MON2: variants seen among roughly 807,000 people sequenced by gnomAD.
The protein encoded by MON2 is protein MON2 homolog.
In MON2, 84 loss-of-function variants were observed where a neutral mutation model predicts 208.6. The ratio of observed to expected loss-of-function variants is 0.40; its 90% CI spans 0.34 to 0.48. MON2 has a LOEUF of 0.48. MON2 is among the 20% of genes least tolerant of loss of function. MON2 has a pLI of 0.59. For missense variants in MON2, 1,611 were observed against 2,015.4 expected, an observed-to-expected ratio of 0.80 and a Z score of 3.84; for synonymous variants, 660 against 694.0, an observed-to-expected ratio of 0.95 and a Z score of 0.77.
chr12:62,470,704 C>G lies in MON2; in HGVS notation c.111+3386C>G, dbSNP rs1036147158. 6.1e-6 allele frequency: 7 copies of G among 1,152,896 alleles called. No homozygotes were observed. The African/African-American group carries it at 9.9e-5, about 16-fold the overall frequency. The allele number at this position is 1,152,896 out of a possible 1,614,324, so 71.4% of individuals were successfully genotyped here. A position where few individuals can be genotyped will look rare whatever the true frequency, so the allele number is the denominator to read the frequency against. On this transcript the variant is annotated intron_variant, in intron 1 of 34. Transcript: ENST00000393630. ...TCTTATTATTTCCTATTTGCAGGTACAGATGAGGGGTATCTAACTGAGCCT... is the reference window on the plus strand; with the variant it reads ...TCTTATTATTTCCTATTTGCAGGTAGAGATGAGGGGTATCTAACTGAGCCT...
At chr12:62,488,359 A>T (rs2069915371) in intron 2 of MON2, among the ~76,000 whole-genome samples, 1 of 152,158 alleles carries the variant, frequency 6.6e-6, no homozygotes, top group Non-Finnish European at 1.5e-5. Flanking sequence ...AAAATATAAA[A>T]GTATCAAGTA....
At chr12:62,519,627 A>C (rs901217507) in intron 8 of MON2, among the ~76,000 whole-genome samples, 1 of 152,238 alleles carries the variant, frequency 6.6e-6, no homozygotes, top group Non-Finnish European at 1.5e-5. Flanking sequence ...TGTCTGGCTT[A>C]ATAGGAGACA....
intron 1 of MON2, among the ~76,000 whole-genome samples, chr12:62,471,156 A>G (rs1396252000): frequency 6.6e-6 from 1 of 152,160 alleles, no homozygotes; most frequent in Non-Finnish European, 1.5e-5. Flanking sequence ...GAAATAAAAG[A>G]GGAGGAAATG....
rs2074959928 is a variant in MON2 at position 62,580,387 on chromosome 12, G to C, written c.4666G>C (p.Gly1556Arg). ...VGQIMTMLNK[G>R]SIHSQSSSFT... ...TCAAATAATGACAATGCTTAACAAGGGCTCAATACATTCTCAGTCATCTTC... is the reference window on the plus strand; with the variant it reads ...TCAAATAATGACAATGCTTAACAAGCGCTCAATACATTCTCAGTCATCTTC... Residue 1556 changes from glycine to arginine, a missense_variant, in exon 32 of 35, where the codon GGC (glycine) becomes CGC (arginine). By Grantham distance (125) the Gly-to-Arg change is moderately radical. Transcript: ENST00000393630. The C allele has an allele frequency of 1.2e-6, 2 of 1,606,620 alleles. No individual in the cohort carries two copies. The highest frequency in any genetic ancestry group is 8.5e-7 in the Non-Finnish European group (1 of 1,174,396).
rs1292917367 is a variant in MON2 at position 62,563,735 on chromosome 12, ACCATTGAAAATCAAAATGCATAGTTAAGT to A, written c.4033-1500_4033-1472del. Among the ~76,000 whole-genome samples the A allele has an allele frequency of 2.0e-5, 3 of 152,126 alleles. No individual in the cohort carries two copies. The East Asian group carries it at 5.8e-4, about 29-fold the overall frequency. On this transcript the variant is annotated intron_variant, in intron 26 of 34. Transcript: ENST00000393630. ...TTAGTATGTTTTCTTATCATAAAGG[ACCATTGAAAATCAAAATGCATAGTTAAGT>A]CATTAATTTGTGTTAAGATTCTTAC... is the stretch of plus-strand genomic sequence containing the variant.
rs1170216590 is a variant in MON2, at chr12:62,600,039, TTA to T, written c.*7291_*7292del. On this transcript the variant is annotated 3_prime_UTR_variant, in exon 35 of 35. Coordinates refer to ENST00000393630, the MANE Select transcript of MON2 (RefSeq NM_015026.3). ...AGCCCAGAGTCTGGGGCCAGGCTTC[TTA>T]GATGCAAATCCCAACTCTGTTATTT... The T allele has an allele frequency of 6.6e-6, 1 of 152,240 alleles. No individual in the cohort carries two copies. The highest frequency in any genetic ancestry group is 1.5e-5 in the Non-Finnish European group (1 of 68,044). The allele number at this position is 152,240 out of a possible 1,614,324, so 9.4% of individuals were successfully genotyped here. A position where few individuals can be genotyped will look rare whatever the true frequency, so the allele number is the denominator to read the frequency against.
At chr12:62,561,406 A>G (rs1346072318) in intron 26 of MON2, among the ~76,000 whole-genome samples, 4 of 152,174 alleles carry the variant, frequency 2.6e-5, no homozygotes, top group Non-Finnish European at 1.5e-5. Context: ...AGAGGATATA[A>G]TATTTGGAAT....
At chr12:62,553,665 A>G (rs146182522) in intron 24 of MON2, among the ~76,000 whole-genome samples, 30 of 152,366 alleles carry the variant, frequency 2.0e-4, no homozygotes, top group African/African-American at 6.0e-4. Context: ...GTAACCTCCA[A>G]ATGGTATATT....
chr12:62,481,690 C>T (rs1333898112), intron 1 of MON2, among the ~76,000 whole-genome samples: 1 of 152,098 alleles, frequency 6.6e-6, no homozygotes, highest in Non-Finnish European at 1.5e-5. Flanking sequence ...TCATTTTGAC[C>T]ATGTTTTTCT....
At position 62,513,953 on chromosome 12, in the gene MON2, A is replaced by T. The variant is rs2071552839; in HGVS notation, c.984+5473A>T. On this transcript the variant is annotated intron_variant, in intron 8 of 34. Transcript: ENST00000393630. ...TGACAGAGCGAGACTCCATCTCAAA[A>T]AAAAAAAGAAAGAAAGAAAGAAAGA... 2.0e-5 allele frequency among the ~76,000 whole-genome samples: 3 copies of T among 146,716 alleles called. 1 individual carries two copies. The South Asian group carries it at 6.5e-4, about 32-fold the overall frequency.
intron 34 of MON2, among the ~76,000 whole-genome samples, chr12:62,589,762 A>G (rs2075335302): frequency 6.6e-6 from 1 of 151,804 alleles, no homozygotes; most frequent in Non-Finnish European, 1.5e-5. Flanking sequence ...AAAAAAAAAA[A>G]AAAGAACCAG....
chr12:62,543,176 C>G lies in MON2; in HGVS notation c.2444C>G (p.Pro815Arg), dbSNP rs770953461. The G allele has an allele frequency of 3.2e-6, 5 of 1,550,530 alleles. 1 individual carries two copies. In the South Asian group the frequency reaches 6.4e-5, roughly 20 times the overall value. Reference sequence around the variant, plus strand: ...CACCGAATAGAAATTCTGTGGAGACCTCTGACTGGCCATCTACTTGAGGTA... The same window carrying G: ...CACCGAATAGAAATTCTGTGGAGACGTCTGACTGGCCATCTACTTGAGGTA... The part of the protein sequence containing the change: ...NMHRIEILWR[P>R]LTGHLLEVCQ... Residue 815 changes from proline to arginine, a missense_variant, in exon 20 of 35, where the codon CCT (proline) becomes CGT (arginine). By Grantham distance (103) the Pro-to-Arg change is moderately radical. Coordinates refer to ENST00000393630, the MANE Select transcript of MON2 (RefSeq NM_015026.3).
In MON2 at chr12:62,526,069, C is replaced by A; in HGVS notation, c.1367C>A (p.Thr456Lys). 6.2e-7 allele frequency: 1 copy of A among 1,613,836 alleles called. No individual in the cohort carries two copies. Among genetic ancestry groups the A allele is most frequent in the Non-Finnish European group, 8.5e-7 (1 of 1,179,798 alleles). The change falls in exon 11 of 35, where the codon ACA becomes AAA. Residue 456 changes from threonine (T) to lysine (K), a missense_variant. Physicochemically the swap from Thr to Lys is moderately conservative, Grantham distance 78. Coordinates refer to ENST00000393630, the MANE Select transcript of MON2 (RefSeq NM_015026.3). ...EYRGTWIPILTITVQGSAKAT... is the reference protein window; with the variant it reads ...EYRGTWIPILKITVQGSAKAT... ...AGGGGAACCTGGATACCTATTCTGA[C>A]AATCACAGTTCAAGGCAGTGCTAAA...
Position 62,593,501 on chromosome 12 carries a change from C to G in MON2, c.*752C>G, listed in dbSNP as rs2075457439. 1 of 152,504 alleles carries G rather than the reference C, an allele frequency of 6.6e-6. No homozygotes were observed. Among genetic ancestry groups the G allele is most frequent in the Non-Finnish European group, 1.5e-5 (1 of 67,980 alleles). The allele number at this position is 152,504 out of a possible 1,614,324, so 9.4% of individuals were successfully genotyped here. On this transcript the variant is annotated 3_prime_UTR_variant, in exon 35 of 35. Transcript: ENST00000393630. ...CAGTAAGGTCATGTGAACACAGCAG[C>G]AAATAGTTTATGATTTGCTGATTTT...
At chr12:62,528,967 A>G (rs999534400) in intron 11 of MON2, among the ~76,000 whole-genome samples, 5 of 152,164 alleles carry the variant, frequency 3.3e-5, no homozygotes, top group Non-Finnish European at 5.9e-5. Context: ...TGTTAACCCC[A>G]GTACCCAATA....
intron 22 of MON2, among the ~76,000 whole-genome samples, chr12:62,548,717 G>A (rs2073608195): frequency 6.6e-6 from 1 of 152,072 alleles, no homozygotes; most frequent in South Asian, 2.1e-4. Flanking sequence ...GAATTAATGG[G>A]TGTAAAACAG....
Position 62,556,224 on chromosome 12 carries a change from T to C in MON2, c.3409+32T>C, listed in dbSNP as rs778720124. 5.7e-6 allele frequency: 9 copies of C among 1,585,670 alleles called. No homozygotes were observed. In the African/African-American group the frequency reaches 9.5e-5, roughly 17 times the overall value. On this transcript the variant is annotated intron_variant, in intron 25 of 34. Coordinates refer to ENST00000393630, the MANE Select transcript of MON2 (RefSeq NM_015026.3). ...GTACATTTTTTTCTGATTATACAAG[T>C]AATTAATGTTAAAAGAAATTTGGAA...
intron 8 of MON2, among the ~76,000 whole-genome samples, chr12:62,510,982 A>G (rs2071366643): frequency 6.6e-6 from 1 of 152,230 alleles, no homozygotes; most frequent in Admixed American, 6.5e-5. Flanking sequence ...CAATTCCAGA[A>G]AGAAATTAAG....
rs763660185 is a variant in MON2, at chr12:62,571,405, C to G, written c.4337C>G (p.Pro1446Arg). ...LQNIIKTLRV[P>R]LSLKYSCPSE... ...CTTTATTTTCAGACTCTTAGGGTTCCTCTCAGTTTGAAGTATTCCTGCCCT... is the reference window on the plus strand; with the variant it reads ...CTTTATTTTCAGACTCTTAGGGTTCGTCTCAGTTTGAAGTATTCCTGCCCT... The change falls in exon 30 of 35, where the codon CCT becomes CGT. Residue 1446 changes from proline to arginine, a missense_variant. Coordinates refer to ENST00000393630, the MANE Select transcript of MON2 (RefSeq NM_015026.3). The G allele has an allele frequency of 6.2e-7, 1 of 1,603,162 alleles. No homozygotes were observed. Among genetic ancestry groups the G allele is most frequent in the Non-Finnish European group, 8.5e-7 (1 of 1,173,126 alleles).
Sources: gnomAD v4.1 joint callset for allele counts (sites outside exome capture counted in the v4.1 genomes callset) on GRCh38, gnomAD v4.1.1 for gene constraint, MANE v1.5 for transcripts, NCBI Gene and HGNC (gene_info 2026-07-23, HGNC 2026-07-21) for gene names.